The following ZNF107 variants were observed in gnomAD, a reference collection of about 807,000 sequenced individuals.
ZNF107 encodes zinc finger protein 107.
A neutral mutation model predicts 12.3 loss-of-function variants in ZNF107; 19 were observed. That is an observed-to-expected ratio of 1.55 (90% CI 1.08 to 2.27). The LOEUF is 2.27. Among genes scored for constraint, ZNF107 ranks in the 30% most tolerant of loss-of-function variants. The pLI is 0.00. For synonymous variants in ZNF107, 317 were observed against 330.5 expected, an observed-to-expected ratio of 0.96 and a Z score of 0.44; for missense variants, 958 against 979.9, an observed-to-expected ratio of 0.98 and a Z score of 0.30.
rs186196471 is a variant in ZNF107 at position 64,687,531 on chromosome 7, G to A, written c.4-3717G>A. The A allele has an allele frequency of 6.1e-6, 6 of 985,418 alleles. No individual in the cohort carries two copies. The Admixed American group carries it at 3.1e-4, about 50-fold the overall frequency. The allele number at this position is 985,418 out of a possible 1,614,324, so 61.0% of individuals were successfully genotyped here. On this transcript the variant is annotated intron_variant, in intron 1 of 3. Transcript: ENST00000620827. The stretch of plus-strand genomic sequence containing the variant: ...TGGTAGGAGTCAAGAGAGGACACAA[G>A]CTACCAGGAGACGGCAAGCAGGAGG...
chr7:64,702,266 C>T (rs1232678715), intron 3 of ZNF107, among the ~76,000 whole-genome samples: 2 of 151,874 alleles, frequency 1.3e-5, no homozygotes, highest in Non-Finnish European at 2.9e-5. Flanking sequence ...TCTCCTGCCT[C>T]AGCCTCCCAA....
chr7:64,692,695 T>G (rs1790155039), intron 3 of ZNF107, among the ~76,000 whole-genome samples: 1 of 152,104 alleles, frequency 6.6e-6, no homozygotes, highest in African/African-American at 2.4e-5. Context: ...CTAATTTCTT[T>G]CATTGTAAAT....
At chr7:64,706,297 GTAAT>G in intron 3 of ZNF107, 23 bp from the exon 4 acceptor site, 1 of 1,495,018 alleles carries the variant, frequency 6.7e-7, no homozygotes, top group Non-Finnish European at 8.9e-7. Context: ...AGCAAGTGGA[GTAAT>G]TTATTATTTT....
Position 64,706,708 on chromosome 7 carries a change from A to T in ZNF107, c.611A>T (p.Glu204Val). The T allele has an allele frequency of 1.9e-6, 3 of 1,612,568 alleles. No homozygotes were observed. Among genetic ancestry groups the T allele is most frequent in the Non-Finnish European group, 2.5e-6 (3 of 1,179,448 alleles). The change falls in exon 4 of 4, where the codon GAA (glutamate) becomes GTA (valine). Residue 204 changes from glutamate (E) to valine (V), a missense_variant. Transcript: ENST00000620827. ...IHTRVNSYKC[E>V]ECGKAFNWFS... Reference sequence around the variant, plus strand: ...ACTAGAGTGAATTCCTACAAATGTGAAGAATGTGGAAAAGCCTTTAACTGG... The same window carrying T: ...ACTAGAGTGAATTCCTACAAATGTGTAGAATGTGGAAAAGCCTTTAACTGG...
At chr7:64,681,616 C>T (rs1789679410) in intron 1 of ZNF107, among the ~76,000 whole-genome samples, 1 of 152,058 alleles carries the variant, frequency 6.6e-6, no homozygotes, top group Non-Finnish European at 1.5e-5. Flanking sequence ...CCCCCCTTAT[C>T]ATCCCTTTAA....
At chr7:64,686,577 A>G in intron 1 of ZNF107, 2 of 985,402 alleles carry the variant, frequency 2.0e-6, no homozygotes, top group Non-Finnish European at 2.4e-6. Flanking sequence ...TCCCACAAAT[A>G]TGGCTGCATT....
intron 1 of ZNF107, chr7:64,687,193 T>C: frequency 1.0e-6 from 1 of 986,586 alleles, no homozygotes; most frequent in Non-Finnish European, 1.2e-6. Flanking sequence ...GCCCTATTAC[T>C]ATCCCATGGT....
chr7:64,686,016 C>A (rs1789892829), intron 1 of ZNF107, among the ~76,000 whole-genome samples: 2 of 152,142 alleles, frequency 1.3e-5, no homozygotes, highest in Admixed American at 6.5e-5. Context: ...ATCTCTCAGA[C>A]AGCCTACAAG....
At position 64,684,447 on chromosome 7, in the gene ZNF107, C is replaced by A. The variant is rs188886929; in HGVS notation, c.4-6801C>A. The A allele has an allele frequency of 3.0e-5, 12 of 396,218 alleles. No homozygotes were observed. The East Asian group carries it at 2.0e-3, about 64-fold the overall frequency. The allele number at this position is 396,218 out of a possible 1,614,324, so 24.5% of individuals were successfully genotyped here. A position where few individuals can be genotyped will look rare whatever the true frequency, so the allele number is the denominator to read the frequency against. On this transcript the variant is annotated intron_variant, in intron 1 of 3. Transcript: ENST00000620827. ...GACCCTTCCTGGTCGTTTATGGTAC[C>A]CCAATGGCTGTCTGCTTACAAGATC...
At chr7:64,677,720 T>G (rs938606004) in intron 1 of ZNF107, among the ~76,000 whole-genome samples, 1 of 151,460 alleles carries the variant, frequency 6.6e-6, no homozygotes, top group African/African-American at 2.4e-5. Flanking sequence ...GGCGTGGTAG[T>G]GGGTGCCTAT....
At chr7:64,671,737 T>C (rs1789229974) in intron 1 of ZNF107, among the ~76,000 whole-genome samples, 1 of 151,966 alleles carries the variant, frequency 6.6e-6, no homozygotes, top group African/African-American at 2.4e-5. Flanking sequence ...GCTGAGATAC[T>C]AAGCATAGCA....
At chr7:64,687,923 A>G (rs541567131) in intron 1 of ZNF107, among the ~76,000 whole-genome samples, 2 of 152,360 alleles carry the variant, frequency 1.3e-5, no homozygotes, top group Admixed American at 1.3e-4. Flanking sequence ...ATATAAACAT[A>G]TAAGGTGCCA....
intron 3 of ZNF107, among the ~76,000 whole-genome samples, chr7:64,699,106 A>G (rs1355761997): frequency 6.6e-6 from 1 of 151,976 alleles, no homozygotes; most frequent in Non-Finnish European, 1.5e-5. Flanking sequence ...ATCAGGAAGT[A>G]TAATGCCTCT....
At chr7:64,695,448 A>C (rs1166062825) in intron 3 of ZNF107, among the ~76,000 whole-genome samples, 1 of 152,190 alleles carries the variant, frequency 6.6e-6, no homozygotes, top group African/African-American at 2.4e-5. Flanking sequence ...TTCATGAATA[A>C]ACATTTTTCT....
At chr7:64,705,727 T>A (rs745715063) in intron 3 of ZNF107, among the ~76,000 whole-genome samples, 6 of 151,558 alleles carry the variant, frequency 4.0e-5, no homozygotes, top group Non-Finnish European at 8.8e-5. Flanking sequence ...TAAAAGAGTT[T>A]GTTCATGTTT....
At chr7:64,686,566 A>T in intron 1 of ZNF107, 1 of 985,454 alleles carries the variant, frequency 1.0e-6, no homozygotes. Flanking sequence ...GGAATGTCAT[A>T]TCCCACAAAT....
Position 64,706,444 on chromosome 7 carries a change from G to C in ZNF107, c.347G>C (p.Gly116Ala). 6.2e-7 allele frequency: 1 copy of C among 1,613,614 alleles called. No individual in the cohort carries two copies. Among genetic ancestry groups the C allele is most frequent in the Non-Finnish European group, 8.5e-7 (1 of 1,179,738 alleles). Residue 116 changes from glycine to alanine, a missense_variant, in exon 4 of 4, where the codon GGC becomes GCC. By Grantham distance (60) the Gly-to-Ala change is moderately conservative (BLOSUM62 0). Coordinates refer to ENST00000620827, the MANE Select transcript of ZNF107 (RefSeq NM_001282359.2). ...CEYENLQLRK[G>A]CKHVDECTGH... ...TATGAGAATTTACAGTTAAGAAAAGGCTGTAAACATGTGGATGAGTGTACG... is the reference window on the plus strand; with the variant it reads ...TATGAGAATTTACAGTTAAGAAAAGCCTGTAAACATGTGGATGAGTGTACG...
At chr7:64,698,577 A>G (rs1378796780) in intron 3 of ZNF107, among the ~76,000 whole-genome samples, 1 of 152,022 alleles carries the variant, frequency 6.6e-6, no homozygotes, top group Non-Finnish European at 1.5e-5. Flanking sequence ...TCCTGCCACC[A>G]TGCCCAGATA....
chr7:64,684,842 C>CA, intron 1 of ZNF107: 1 of 524,926 alleles, frequency 1.9e-6, no homozygotes, highest in South Asian at 8.2e-5. Flanking sequence ...GGCATGGCCG[C>CA]ACTCCCACTT....
Sources: gnomAD v4.1 joint callset for allele counts (sites outside exome capture counted in the v4.1 genomes callset) on GRCh38, gnomAD v4.1.1 for gene constraint, MANE v1.5 for transcripts, NCBI Gene and HGNC (gene_info 2026-07-23, HGNC 2026-07-21) for gene names.